SPAG16: variants seen among roughly 807,000 people sequenced by gnomAD.
SPAG16 encodes the protein sperm associated antigen 16.
SPAG16 carries 86 observed loss-of-function variants against 80.4 expected under a neutral mutation model. The observed-to-expected ratio is 1.07, with a 90% CI of 0.90 to 1.28. The LOEUF (loss-of-function observed/expected upper bound fraction) is 1.28, where lower values mean the gene tolerates loss of function less well. Ranked by LOEUF, SPAG16 falls within the 50% of genes most tolerant of loss-of-function variation. The pLI, the probability that SPAG16 is intolerant of heterozygous loss-of-function variation, is 0.00. For synonymous variants in SPAG16, 294 were observed against 265.9 expected (o/e 1.11, Z -1.03); for missense variants, 870 against 765.3 (o/e 1.14, Z -1.61).
chr2:214,162,014 G>C (rs2193785), intron 15 of SPAG16, among the ~76,000 whole-genome samples: 149,099 of 152,188 alleles, frequency 0.98, 73,109 homozygotes, highest in East Asian at 1. Flanking sequence ...TACGTTGGTA[G>C]CTTTTACATT....
At chr2:213,404,247 C>G (rs2068487360) in intron 9 of SPAG16, among the ~76,000 whole-genome samples, 1 of 152,246 alleles carries the variant, frequency 6.6e-6, no homozygotes, top group Middle Eastern at 3.4e-3. Flanking sequence ...CCCGCATTGC[C>G]AAGTCAATCC....
chr2:213,694,316 T>C (rs369835752), intron 10 of SPAG16, among the ~76,000 whole-genome samples: 1 of 152,214 alleles, frequency 6.6e-6, no homozygotes, highest in Non-Finnish European at 1.5e-5. Flanking sequence ...CTGCTTCTCA[T>C]TGATATCCTT....
chr2:213,363,305 G>A (rs909067697), intron 7 of SPAG16, among the ~76,000 whole-genome samples: 1 of 151,736 alleles, frequency 6.6e-6, no homozygotes, highest in Non-Finnish European at 1.5e-5. Context: ...TTGGCTTCTA[G>A]GAATAGATAG....
intron 11 of SPAG16, among the ~76,000 whole-genome samples, chr2:213,867,276 A>G (rs1162872375): frequency 6.6e-6 from 1 of 152,252 alleles, no homozygotes; most frequent in East Asian, 1.9e-4. Flanking sequence ...TGATTCATCA[A>G]TCATTGAAAA....
intron 10 of SPAG16, among the ~76,000 whole-genome samples, chr2:213,803,220 A>T (rs1287209824): frequency 6.6e-6 from 1 of 152,228 alleles, no homozygotes. Flanking sequence ...GTCCCCTGGA[A>T]TATGGCAAGA....
At chr2:213,899,473 A>C (rs1575494188) in intron 11 of SPAG16, among the ~76,000 whole-genome samples, 1 of 152,170 alleles carries the variant, frequency 6.6e-6, no homozygotes, top group Non-Finnish European at 1.5e-5. Flanking sequence ...ATAGAATATT[A>C]GTAGAAAAAA....
At chr2:214,153,767 A>G (rs1168351962) in intron 15 of SPAG16, among the ~76,000 whole-genome samples, 1 of 152,220 alleles carries the variant, frequency 6.6e-6, no homozygotes, top group Admixed American at 6.5e-5. Context: ...AGTTATATGT[A>G]ATGCGATATA....
intron 10 of SPAG16, among the ~76,000 whole-genome samples, chr2:213,639,196 C>T (rs543043526): frequency 6.6e-6 from 1 of 152,214 alleles, no homozygotes; most frequent in African/African-American, 2.4e-5. Context: ...GTCCATTCTG[C>T]CATTCTGTAG....
chr2:213,824,734 G>A (rs146861963), intron 10 of SPAG16, among the ~76,000 whole-genome samples: 311 of 152,080 alleles, frequency 2.0e-3, no homozygotes, highest in Non-Finnish European at 3.0e-3. Flanking sequence ...GTCTTTTGTG[G>A]CTGCACATAA....
chr2:213,943,005 A>C (rs915987775), intron 12 of SPAG16, among the ~76,000 whole-genome samples: 1 of 152,194 alleles, frequency 6.6e-6, no homozygotes, highest in South Asian at 2.1e-4. Flanking sequence ...GTTGTCCACC[A>C]TGTGAAAATA....
At chr2:213,586,497 G>A (rs1328031343) in intron 10 of SPAG16, among the ~76,000 whole-genome samples, 1 of 152,140 alleles carries the variant, frequency 6.6e-6, no homozygotes. Flanking sequence ...AGATTTTGGG[G>A]AGGACCCAAG....
intron 9 of SPAG16, among the ~76,000 whole-genome samples, chr2:213,440,860 CA>C (rs1235727647): frequency 1.6e-4 from 24 of 152,162 alleles, no homozygotes; most frequent in African/African-American, 5.5e-4. Flanking sequence ...AGCAGATAAT[CA>C]AAAGCATTAA....
At chr2:213,622,481 C>G (rs1051928541) in intron 10 of SPAG16, among the ~76,000 whole-genome samples, 1 of 152,180 alleles carries the variant, frequency 6.6e-6, no homozygotes, top group African/African-American at 2.4e-5. Flanking sequence ...AGAATGAGCT[C>G]CCATGGCCTC....
At chr2:214,216,701 A>T (rs1327782543) in intron 15 of SPAG16, among the ~76,000 whole-genome samples, 1 of 152,216 alleles carries the variant, frequency 6.6e-6, no homozygotes, top group South Asian at 2.1e-4. Flanking sequence ...TTGGGTAAAG[A>T]CTAATATTTT....
At chr2:214,363,577 C>G (rs953541605) in intron 15 of SPAG16, among the ~76,000 whole-genome samples, 1 of 151,906 alleles carries the variant, frequency 6.6e-6, no homozygotes, top group African/African-American at 2.4e-5. Flanking sequence ...GAAACTCACT[C>G]AGAGAGACAA....
intron 15 of SPAG16, among the ~76,000 whole-genome samples, chr2:214,260,542 T>C (rs1299581915): frequency 7.5e-5 from 7 of 93,802 alleles, no homozygotes; most frequent in Non-Finnish European, 1.1e-4. Context: ...CCATTAAAAG[T>C]CTATTATTTC....
At chr2:213,976,673 A>G (rs1227539615) in intron 12 of SPAG16, among the ~76,000 whole-genome samples, 1 of 151,966 alleles carries the variant, frequency 6.6e-6, no homozygotes, top group Non-Finnish European at 1.5e-5. Context: ...TTTGTGTGCC[A>G]TTTGGGGCCC....
intron 15 of SPAG16, among the ~76,000 whole-genome samples, chr2:214,244,740 T>C (rs1689725126): frequency 6.6e-6 from 1 of 152,146 alleles, no homozygotes; most frequent in Non-Finnish European, 1.5e-5. Flanking sequence ...TAAATAACAC[T>C]GGAATTCTAT....
In SPAG16 at chr2:214,008,450, A is replaced by T. The variant is rs920499814; in HGVS notation, c.1401-5501A>T. Reference sequence around the variant, plus strand: ...TACATATGTAGCATTTAAAAAAAAAAATTACATGCTGGGGCTGGGTGTAGT... The same window carrying T: ...TACATATGTAGCATTTAAAAAAAAATATTACATGCTGGGGCTGGGTGTAGT... On this transcript the variant is annotated intron_variant, in intron 12 of 15. Transcript: ENST00000331683. Among the ~76,000 whole-genome samples the T allele has an allele frequency of 2.6e-5, 4 of 152,108 alleles. No individual in the cohort carries two copies. In the East Asian group the frequency reaches 7.7e-4, roughly 29 times the overall value.
Sources: gnomAD v4.1 joint callset for allele counts (sites outside exome capture counted in the v4.1 genomes callset) on GRCh38, gnomAD v4.1.1 for gene constraint, MANE v1.5 for transcripts, NCBI Gene and HGNC (gene_info 2026-07-23, HGNC 2026-07-21) for gene names.